The following AUTS2 variants were observed in gnomAD, a reference collection of about 807,000 sequenced individuals.
AUTS2 encodes activator of transcription and developmental regulator AUTS2.
In AUTS2, 17 loss-of-function variants were observed where a neutral mutation model predicts 112.4. The ratio of observed to expected loss-of-function variants is 0.15; its 90% confidence interval spans 0.10 to 0.23. AUTS2 has a LOEUF of 0.23. AUTS2 is among the 10% of genes least tolerant of loss of function. The pLI, the probability that AUTS2 is intolerant of heterozygous loss-of-function variation, is 1.00. For synonymous variants in AUTS2, 751 were observed against 702.7 expected (o/e 1.07, Z -1.09); for missense variants, 1,510 against 1,701.6 (o/e 0.89, Z 1.98).
intron 6 of AUTS2, among the ~76,000 whole-genome samples, chr7:70,739,905 C>G (rs1417125447): frequency 6.6e-6 from 1 of 151,976 alleles, no homozygotes; most frequent in Non-Finnish European, 1.5e-5. Context: ...TCTACTTCCT[C>G]TTACAAAAGA....
chr7:70,402,742 T>C (rs1030795836), intron 4 of AUTS2, among the ~76,000 whole-genome samples: 1 of 152,162 alleles, frequency 6.6e-6, no homozygotes, highest in African/African-American at 2.4e-5. Flanking sequence ...TCTCCAATTG[T>C]AAAGGGCAGA....
intron 5 of AUTS2, among the ~76,000 whole-genome samples, chr7:70,605,960 T>C (rs1803737374): frequency 1.3e-5 from 2 of 152,186 alleles, no homozygotes. Flanking sequence ...GCAAGACAAC[T>C]CACAGCAGGT....
chr7:69,696,233 C>G (rs192975779), intron 1 of AUTS2, among the ~76,000 whole-genome samples: 1 of 152,268 alleles, frequency 6.6e-6, no homozygotes, highest in South Asian at 2.1e-4. Flanking sequence ...GACCTCTGTT[C>G]TTCCCTTTTT....
intron 5 of AUTS2, among the ~76,000 whole-genome samples, chr7:70,536,707 C>T (rs1284934800): frequency 6.6e-6 from 1 of 150,514 alleles, no homozygotes; most frequent in Non-Finnish European, 1.5e-5. Context: ...TCAAGACCAG[C>T]CTGACCAACA....
chr7:70,007,603 T>A (rs897618470), intron 2 of AUTS2, among the ~76,000 whole-genome samples: 2 of 152,220 alleles, frequency 1.3e-5, no homozygotes, highest in African/African-American at 2.4e-5. Context: ...ATTTCATTTC[T>A]CACATCAGTT....
rs148174026 is a variant in AUTS2 at position 70,362,028 on chromosome 7, C to T, written c.661-73724C>T. 6.6e-3 allele frequency among the ~76,000 whole-genome samples: 1,004 copies of T among 152,132 alleles called. 13 individuals carry two copies. The highest frequency in any genetic ancestry group is 0.023 in the African/African-American group (955 of 41,492). On this transcript the variant is annotated intron_variant, in intron 4 of 18. Transcript: ENST00000342771. ...TCTACAAAGTGATTATTATGTAAAC[C>T]CAACAGGGCCTTTCCTGGAAATACC...
chr7:70,030,112 G>A (rs1563051788), intron 2 of AUTS2, among the ~76,000 whole-genome samples: 1 of 152,164 alleles, frequency 6.6e-6, no homozygotes, highest in Non-Finnish European at 1.5e-5. Flanking sequence ...ACCAGTTACT[G>A]ATGATGGAAT....
chr7:70,717,171 A>G (rs1258861556), intron 6 of AUTS2, among the ~76,000 whole-genome samples: 1 of 151,942 alleles, frequency 6.6e-6, no homozygotes, highest in Non-Finnish European at 1.5e-5. Flanking sequence ...AGCTAAGACT[A>G]TATAGGTGCA....
At chr7:70,153,742 A>C (rs1291178032) in intron 4 of AUTS2, among the ~76,000 whole-genome samples, 3 of 152,182 alleles carry the variant, frequency 2.0e-5, no homozygotes, top group Non-Finnish European at 4.4e-5. Context: ...CTACACACAA[A>C]ACTTACTCTG....
intron 5 of AUTS2, among the ~76,000 whole-genome samples, chr7:70,550,459 G>A (rs1000939019): frequency 3.3e-5 from 5 of 152,038 alleles, no homozygotes; most frequent in Admixed American, 6.5e-5. Flanking sequence ...TGCTTTTTTT[G>A]TGATAATCCT....
chr7:69,827,451 AAAAAAAACCCCT>A (rs1791301186), intron 1 of AUTS2, among the ~76,000 whole-genome samples: 2 of 151,988 alleles, frequency 1.3e-5, no homozygotes, highest in Admixed American at 6.6e-5. Flanking sequence ...GAAGAGGGGA[AAAAAAAACCCCT>A]AAAAAAACCC....
intron 3 of AUTS2, chr7:70,119,291 T>C (rs1805558037): frequency 6.6e-6 from 1 of 151,992 alleles, no homozygotes; most frequent in African/African-American, 2.4e-5. Context: ...CCCAGCCATA[T>C]ATCAGCATTC....
intron 5 of AUTS2, among the ~76,000 whole-genome samples, chr7:70,657,544 G>A (rs1248403391): frequency 6.6e-6 from 1 of 152,220 alleles, no homozygotes; most frequent in African/African-American, 2.4e-5. Flanking sequence ...AGGAGAATTT[G>A]TTAAAAACCT....
At chr7:70,347,196 G>A (rs1030493938) in intron 4 of AUTS2, among the ~76,000 whole-genome samples, 3 of 152,214 alleles carry the variant, frequency 2.0e-5, no homozygotes, top group South Asian at 2.1e-4. Context: ...CTTACTTCTT[G>A]TATTACTGCT....
chr7:70,377,338 A>G (rs1237241905), intron 4 of AUTS2, among the ~76,000 whole-genome samples: 19 of 59,282 alleles, frequency 3.2e-4, no homozygotes, highest in African/African-American at 1.2e-3. Context: ...ATATATATAT[A>G]TATATATATA....
rs1416572633 is a variant in AUTS2 at position 69,669,288 on chromosome 7, ATCTACTCCC to A, written c.309+69327_309+69335del. Among the ~76,000 whole-genome samples the A allele has an allele frequency of 2.7e-4, 41 of 152,104 alleles. 1 individual carries two copies. The highest frequency in any genetic ancestry group is 4.9e-4 in the Non-Finnish European group (33 of 68,012). On this transcript the variant is annotated intron_variant, in intron 1 of 18. Coordinates refer to ENST00000342771, the MANE Select transcript of AUTS2 (RefSeq NM_015570.4). ...GGGACAAATAAAAATAATAATGTAT[ATCTACTCCC>A]ATGAGTTAAGATTTTAAGAATGCAT...
chr7:70,293,185 CTG>C (rs1210852063), intron 4 of AUTS2: 1 of 152,198 alleles, frequency 6.6e-6, no homozygotes. Flanking sequence ...GGTAAGGACA[CTG>C]TGTGCTCTTC....
Position 69,842,436 on chromosome 7 carries a change from T to G in AUTS2, c.310-56850T>G, listed in dbSNP as rs1036095142. ...ATTCTTTAAGAATTCTCTCAGAGCC[T>G]TAAGATGATTTGTTTTTGAGAAACA... is the stretch of plus-strand genomic sequence containing the variant. On this transcript the variant is annotated intron_variant, in intron 1 of 18. Coordinates refer to ENST00000342771, the MANE Select transcript of AUTS2 (RefSeq NM_015570.4). Among the ~76,000 whole-genome samples, 3 of 152,174 alleles carry G rather than the reference T, an allele frequency of 2.0e-5. No individual in the cohort carries two copies. The East Asian group carries it at 5.8e-4, about 29-fold the overall frequency.
At chr7:70,427,459 C>A (rs548640328) in intron 4 of AUTS2, among the ~76,000 whole-genome samples, 18 of 152,132 alleles carry the variant, frequency 1.2e-4, no homozygotes, top group Non-Finnish European at 2.6e-4. Context: ...AAGCTGAACT[C>A]CCCAAAGATT....
Sources: allele counts gnomAD v4.1 joint callset (sites outside exome capture counted in the v4.1 genomes callset), GRCh38; gene constraint gnomAD v4.1.1; transcripts MANE v1.5; gene names NCBI Gene and HGNC (gene_info 2026-07-23, HGNC 2026-07-21).